SGSM2: variants seen among roughly 807,000 people sequenced by gnomAD.
The protein encoded by SGSM2 is small G protein signaling modulator 2, also known as RUN and TBC1 domain containing 1.
In SGSM2, 89 loss-of-function variants were observed where a neutral mutation model predicts 126.6. The observed-to-expected ratio is 0.70, with a 90% CI of 0.59 to 0.84. SGSM2 has a LOEUF of 0.84. SGSM2 is among the 40% of genes least tolerant of loss of function. The probability of loss-of-function intolerance (pLI) is 0.00; values close to 1 mark genes in which losing one functional copy is unlikely to be tolerated. For synonymous variants in SGSM2, 614 were observed against 574.3 expected (o/e 1.07, Z -0.99); for missense variants, 1,404 against 1,416.6 (o/e 0.99, Z 0.14).
chr17:2,341,814 A>T (rs1018635088), intron 1 of SGSM2, among the ~76,000 whole-genome samples: 14 of 152,330 alleles, frequency 9.2e-5, no homozygotes, highest in African/African-American at 3.4e-4. Flanking sequence ...GCAATATCTA[A>T]TAAAGTGTGT....
chr17:2,372,826 G>C lies in SGSM2; in HGVS notation c.1789-127G>C. ...GGGAGGACGTGGCCACCCCAAAGCA[G>C]GCCTTGCCTGGGCTTCAGCAGTCAC... On this transcript the variant is annotated intron_variant, in intron 15 of 23. Coordinates refer to ENST00000268989, the MANE Select transcript of SGSM2 (RefSeq NM_014853.3). This position sits in a 1 kb window ranked among gnomAD's most constrained non-coding sequence, Gnocchi z 6.0. 2 of 1,327,172 alleles carry C rather than the reference G, an allele frequency of 1.5e-6. No homozygotes were observed. Among genetic ancestry groups the C allele is most frequent in the Non-Finnish European group, 2.0e-6 (2 of 985,070 alleles). 82.2% of individuals were successfully genotyped at this position (1,327,172 alleles called of 1,614,324 possible).
At position 2,379,823 on chromosome 17, in the gene SGSM2, G is replaced by T. The variant is rs562048800; in HGVS notation, c.*303G>T. On this transcript the variant is annotated 3_prime_UTR_variant, in exon 24 of 24. Coordinates refer to ENST00000268989, the MANE Select transcript of SGSM2 (RefSeq NM_014853.3). ...AGTAGCCCCACTGCCACCTGCAGCC[G>T]CAGCCTGGACTGCTGCCCACGAGTG... is the stretch of plus-strand genomic sequence containing the variant. 3.8e-6 allele frequency: 5 copies of T among 1,320,134 alleles called. No homozygotes were observed. The South Asian group carries it at 5.9e-5, about 15-fold the overall frequency. The allele number at this position is 1,320,134 out of a possible 1,614,324, so 81.8% of individuals were successfully genotyped here. A position where few individuals can be genotyped will look rare whatever the true frequency, so the allele number is the denominator to read the frequency against.
chr17:2,372,185 C>T lies in SGSM2; in HGVS notation c.1578-5C>T, dbSNP rs2065902357. ...CCTCCCTGCTGAGCCCGGTTGTTGC[C>T]ACAGGTTGCCGCTCAGGCTACTGTG... On this transcript the variant is annotated splice_region_variant and splice_polypyrimidine_tract_variant and intron_variant, in intron 13 of 23. Transcript: ENST00000268989. This position sits in a 1 kb window ranked among gnomAD's most constrained non-coding sequence, Gnocchi z 6.0. The T allele has an allele frequency of 1.9e-6, 3 of 1,613,180 alleles. No homozygotes were observed. The highest frequency in any genetic ancestry group is 1.3e-5 in the African/African-American group (1 of 74,928).
chr17:2,358,885 T>G (rs200853393), intron 2 of SGSM2, among the ~76,000 whole-genome samples: 6 of 114,266 alleles, frequency 5.3e-5, no homozygotes, highest in East Asian at 3.5e-4. Context: ...TTTTTTTTTT[T>G]TTTTTTTTTG....
At chr17:2,345,447 T>C (rs1481225273) in intron 2 of SGSM2, among the ~76,000 whole-genome samples, 2 of 151,542 alleles carry the variant, frequency 1.3e-5, no homozygotes, top group Non-Finnish European at 2.9e-5. Flanking sequence ...ATACAAAAAA[T>C]TAGCCAGGCG....
chr17:2,339,292 C>G (rs112311603), intron 1 of SGSM2, among the ~76,000 whole-genome samples: 39,963 of 151,346 alleles, frequency 0.26, 5,490 homozygotes, highest in Admixed American at 0.35. Flanking sequence ...AAAAATTAGC[C>G]AGGCACAGTG....
chr17:2,368,934 A>C (rs2151601599), intron 12 of SGSM2, among the ~76,000 whole-genome samples: 1 of 152,288 alleles, frequency 6.6e-6, no homozygotes, highest in East Asian at 1.9e-4. Flanking sequence ...GGTGATAAAA[A>C]GCCTATCCCT....
intron 2 of SGSM2, 53 bp downstream of exon 2, chr17:2,343,673 G>A (rs372860994): frequency 6.5e-7 from 1 of 1,532,018 alleles, no homozygotes; most frequent in African/African-American, 1.4e-5. Context: ...CGAGGACACT[G>A]GCCTGGGGCC....
chr17:2,360,088 A>G (rs2151551685), intron 2 of SGSM2, among the ~76,000 whole-genome samples: 1 of 152,326 alleles, frequency 6.6e-6, no homozygotes, highest in East Asian at 1.9e-4. Context: ...CACGCCTGTA[A>G]TCCCAGCACT....
chr17:2,354,952 C>A (rs1308504593), intron 2 of SGSM2, among the ~76,000 whole-genome samples: 1 of 122,412 alleles, frequency 8.2e-6, no homozygotes, highest in Admixed American at 7.8e-5. Flanking sequence ...GGAAGGGACC[C>A]CATATCTTAG....
intron 16 of SGSM2, 21 bp from the exon 17 acceptor site, chr17:2,373,310 C>G (rs776717665): frequency 6.2e-7 from 1 of 1,603,320 alleles, no homozygotes; most frequent in Admixed American, 1.7e-5. Context: ...CCCCCATGGT[C>G]GTGGTGTGGT....
chr17:2,342,870 G>A lies in SGSM2; in HGVS notation c.58-675G>A, dbSNP rs140345425. On this transcript the variant is annotated intron_variant, in intron 1 of 23. Coordinates refer to ENST00000268989, the MANE Select transcript of SGSM2 (RefSeq NM_014853.3). ...CATGCACCTGTTGTCCCAGCTACTC[G>A]GGAGGCTGAGGCAGGAGAATCGCTT... 1.4e-3 allele frequency among the ~76,000 whole-genome samples: 219 copies of A among 151,726 alleles called. 4 individuals carry two copies. In the East Asian group the frequency reaches 0.016, roughly 11 times the overall value.
At chr17:2,340,717 T>C (rs1194415760) in intron 1 of SGSM2, among the ~76,000 whole-genome samples, 2 of 152,054 alleles carry the variant, frequency 1.3e-5, no homozygotes, top group African/African-American at 4.8e-5. Context: ...TCTGAGTAGC[T>C]GGGACTACAG....
intron 11 of SGSM2, chr17:2,366,773 C>T (rs996245944): frequency 1.3e-5 from 2 of 152,668 alleles, no homozygotes; most frequent in African/African-American, 2.4e-5. Flanking sequence ...CAAGCGACTC[C>T]AGCTCCTTGA....
intron 1 of SGSM2, among the ~76,000 whole-genome samples, chr17:2,341,619 T>C (rs572930863): frequency 6.6e-6 from 1 of 152,322 alleles, no homozygotes; most frequent in African/African-American, 2.4e-5. Context: ...GAAGACTAGC[T>C]CTACCCAAGG....
Position 2,362,829 on chromosome 17 carries a change from T to G in SGSM2, c.459-9T>G, listed in dbSNP as rs754845581. 7.4e-6 allele frequency: 12 copies of G among 1,613,844 alleles called. No homozygotes were observed. The South Asian group carries it at 1.2e-4, about 16-fold the overall frequency. On this transcript the variant is annotated splice_polypyrimidine_tract_variant and intron_variant, in intron 4 of 23. Coordinates refer to ENST00000268989, the MANE Select transcript of SGSM2 (RefSeq NM_014853.3). The surrounding 1 kb of genome is among the most constrained non-coding windows in gnomAD (Gnocchi z 4.9). ...AGCCTCGGCAGTCACACTGTCTGTCTCCTGGCAGCAAGTACTACGAGAAGG... is the reference window on the plus strand; with the variant it reads ...AGCCTCGGCAGTCACACTGTCTGTCGCCTGGCAGCAAGTACTACGAGAAGG...
intron 2 of SGSM2, among the ~76,000 whole-genome samples, chr17:2,360,754 C>T (rs945026835): frequency 6.6e-5 from 10 of 152,256 alleles, no homozygotes; most frequent in African/African-American, 2.4e-4. Flanking sequence ...CCTCCTTCTC[C>T]CCTCAGTGTC....
chr17:2,352,934 C>G (rs374679846), intron 2 of SGSM2, among the ~76,000 whole-genome samples: 1 of 120,040 alleles, frequency 8.3e-6, no homozygotes, highest in Non-Finnish European at 1.7e-5. Flanking sequence ...TCCGCCACCA[C>G]GCCCGGCTAA....
intron 12 of SGSM2, among the ~76,000 whole-genome samples, chr17:2,370,100 G>A (rs922728133): frequency 6.6e-5 from 10 of 152,170 alleles, no homozygotes; most frequent in Non-Finnish European, 1.3e-4. Flanking sequence ...CCAAAGCCAG[G>A]CCCACGCCTG....
Sources: allele counts gnomAD v4.1 joint callset (sites outside exome capture counted in the v4.1 genomes callset), GRCh38; gene constraint gnomAD v4.1.1; non-coding constraint Gnocchi (gnomAD v3.1); transcripts MANE v1.5; gene names NCBI Gene and HGNC (gene_info 2026-07-23, HGNC 2026-07-21).